FAM184A: variants seen among roughly 807,000 people sequenced by gnomAD.
The protein encoded by FAM184A is protein FAM184A.
FAM184A carries 99 observed loss-of-function variants against 143.8 expected under a neutral mutation model. The ratio of observed to expected loss-of-function variants is 0.69; its 90% confidence interval spans 0.58 to 0.81. The LOEUF is 0.81. FAM184A is among the 40% of genes least tolerant of loss of function. The probability of loss-of-function intolerance (pLI) is 0.00; values close to 1 mark genes in which losing one functional copy is unlikely to be tolerated. For missense variants in FAM184A, 1,217 were observed against 1,310.5 expected (o/e 0.93, Z 1.10); for synonymous variants, 427 against 446.4 (o/e 0.96, Z 0.55).
At chr6:119,132,270 G>A (rs753657885) in intron 1 of FAM184A, among the ~76,000 whole-genome samples, 2 of 152,144 alleles carry the variant, frequency 1.3e-5, no homozygotes, top group Non-Finnish European at 2.9e-5. Context: ...TGCAAAATCA[G>A]TTTTAGTCTC....
rs1788586523 is a variant in FAM184A at position 119,099,399 on chromosome 6, C to T, written c.-202+49679G>A. Among the ~76,000 whole-genome samples the T allele has an allele frequency of 3.3e-5, 5 of 152,162 alleles. No individual in the cohort carries two copies. The South Asian group carries it at 1.0e-3, about 31-fold the overall frequency. ...TTTACTTCTCAGGGCTAGCTAGGTG[C>T]CTGGAATTTCCCCTGAAGAAACTAA... On this transcript the variant is annotated intron_variant, in intron 1 of 16. Transcript: ENST00000352896.
intron 9 of FAM184A, among the ~76,000 whole-genome samples, chr6:118,984,551 A>G (rs554015676): frequency 7.9e-5 from 12 of 152,308 alleles, no homozygotes; most frequent in African/African-American, 2.6e-4. Context: ...CTCTCAAAAC[A>G]AAAAGTGAAA....
intron 5 of FAM184A, among the ~76,000 whole-genome samples, chr6:119,015,367 G>A (rs1048625032): frequency 5.9e-5 from 9 of 152,122 alleles, no homozygotes; most frequent in Non-Finnish European, 1.3e-4. Flanking sequence ...CAGCACTTGC[G>A]GGCCAGCTGG....
chr6:119,014,441 C>G (rs970071066), intron 5 of FAM184A, among the ~76,000 whole-genome samples: 1 of 152,214 alleles, frequency 6.6e-6, no homozygotes, highest in African/African-American at 2.4e-5. Context: ...GCAATTCTGT[C>G]TGTCATATAT....
intron 1 of FAM184A, among the ~76,000 whole-genome samples, chr6:119,110,422 G>T (rs1457390835): frequency 1.3e-5 from 2 of 152,086 alleles, no homozygotes; most frequent in African/African-American, 2.4e-5. Flanking sequence ...CTCCAGGAAA[G>T]AACTGTGGCA....
At position 118,980,323 on chromosome 6, in the gene FAM184A, T is replaced by A. The variant is rs1583778839; in HGVS notation, c.2116A>T (p.Ile706Leu). Residue 706 changes from isoleucine (I) to leucine (L), a missense_variant, in exon 10 of 18, where the codon ATA becomes TTA. Physicochemically the swap from Ile to Leu is conservative, Grantham distance 5. Coordinates refer to ENST00000338891, the MANE Select transcript of FAM184A (RefSeq NM_024581.6). ...QISLLKQNLE[I>L]QLSQSQTSLQ... The stretch of plus-strand genomic sequence containing the variant: ...GAAGTCTGAGACTGGGAAAGCTGTA[T>A]CTCCAGATTCTGTTTCAGCAAGGAA... 6.2e-7 allele frequency: 1 copy of A among 1,613,958 alleles called. No homozygotes were observed. Among genetic ancestry groups the A allele is most frequent in the Non-Finnish European group, 8.5e-7 (1 of 1,179,906 alleles).
chr6:119,068,843 G>C (rs763891880), intron 1 of FAM184A, among the ~76,000 whole-genome samples: 1 of 139,900 alleles, frequency 7.1e-6, no homozygotes, highest in Non-Finnish European at 1.6e-5. Context: ...AGAGAATTTA[G>C]AAGGTATCAG....
intron 1 of FAM184A, chr6:119,057,759 A>C (rs1787044916): frequency 6.7e-6 from 1 of 149,332 alleles, no homozygotes; most frequent in African/African-American, 2.4e-5. Flanking sequence ...TAAATAAATA[A>C]ATAAATTTAA....
chr6:119,026,004 G>C (rs934237659), intron 1 of FAM184A, among the ~76,000 whole-genome samples: 2 of 152,172 alleles, frequency 1.3e-5, no homozygotes, highest in Non-Finnish European at 2.9e-5. Flanking sequence ...AAGATAGGCT[G>C]TCACTGTCTG....
rs1029247574 is a variant in FAM184A at position 118,971,857 on chromosome 6, G to GAGT, written c.2915+2570_2915+2571insACT. 2.9e-4 allele frequency among the ~76,000 whole-genome samples: 28 copies of GAGT among 95,768 alleles called. No homozygotes were observed. The Admixed American group carries it at 2.9e-3, about 10-fold the overall frequency. The allele number at this position is 95,768 out of a possible 152,430, so 62.8% of individuals were successfully genotyped here. On this transcript the variant is annotated intron_variant, in intron 14 of 17. Coordinates refer to ENST00000338891, the MANE Select transcript of FAM184A (RefSeq NM_024581.6). Reference sequence around the variant, plus strand: ...GGGAGTTCAACAGGATTTGGGGCAGGAGCAGAAGCAAGAAGCTGCCTCTGC... The same window carrying GAGT: ...GGGAGTTCAACAGGATTTGGGGCAGGAGTAGCAGAAGCAAGAAGCTGCCTCTGC...
chr6:119,043,437 CTCT>C (rs1786417067), intron 1 of FAM184A, among the ~76,000 whole-genome samples: 2 of 152,198 alleles, frequency 1.3e-5, no homozygotes, highest in African/African-American at 4.8e-5. Flanking sequence ...TACTCATAGT[CTCT>C]TTTCTATGAC....
intron 9 of FAM184A, among the ~76,000 whole-genome samples, chr6:118,995,719 C>G (rs779335052): frequency 1.3e-5 from 2 of 152,182 alleles, no homozygotes; most frequent in Non-Finnish European, 2.9e-5. Context: ...TTCTCAGAGA[C>G]TCGGTCTAAC....
intron 1 of FAM184A, among the ~76,000 whole-genome samples, chr6:119,044,801 G>A (rs536344379): frequency 9.2e-5 from 14 of 152,228 alleles, no homozygotes; most frequent in Admixed American, 2.6e-4. Flanking sequence ...CTGGGAACTG[G>A]GTATAACTCT....
chr6:118,967,895 A>G (rs1344125741), intron 14 of FAM184A, among the ~76,000 whole-genome samples: 1 of 152,238 alleles, frequency 6.6e-6, no homozygotes, highest in African/African-American at 2.4e-5. Flanking sequence ...CTTGTAGATG[A>G]TCTATCTTCC....
intron 1 of FAM184A, among the ~76,000 whole-genome samples, chr6:119,086,790 CTG>C (rs1168533427): frequency 4.6e-5 from 7 of 152,074 alleles, no homozygotes; most frequent in Non-Finnish European, 8.8e-5. Flanking sequence ...CATTTTTTGA[CTG>C]TGGAAAATCG....
chr6:119,107,411 G>T (rs1260716144), intron 1 of FAM184A, among the ~76,000 whole-genome samples: 1 of 152,164 alleles, frequency 6.6e-6, no homozygotes, highest in East Asian at 1.9e-4. Context: ...TTTGGTGAGG[G>T]AAGGGTAAGA....
intron 7 of FAM184A, 23 bp from the exon 8 acceptor site, chr6:119,003,645 T>C: frequency 6.3e-7 from 1 of 1,586,558 alleles, no homozygotes; most frequent in Non-Finnish European, 8.6e-7. Context: ...AACTTTTCAA[T>C]GAAGACTAAA....
intron 1 of FAM184A, among the ~76,000 whole-genome samples, chr6:119,120,870 C>T (rs1294580660): frequency 1.5e-5 from 2 of 136,554 alleles, no homozygotes; most frequent in Non-Finnish European, 3.1e-5. Context: ...TTTTAGGAGA[C>T]AGGGTCTTGT....
rs566597230 is a variant in FAM184A, at chr6:118,975,438, G to A, written c.2584-230C>T. ...TGTCAGATTACAAAGAACCCAAAAG[G>A]TCAAAGGACATCTCTCTCATTTTAC... On this transcript the variant is annotated intron_variant, in intron 12 of 17. Transcript: ENST00000338891. Among the ~76,000 whole-genome samples, 3 of 152,290 alleles carry A rather than the reference G, an allele frequency of 2.0e-5. No individual in the cohort carries two copies. In the East Asian group the frequency reaches 5.8e-4, roughly 29 times the overall value.
Sources: gnomAD v4.1 joint callset for allele counts (sites outside exome capture counted in the v4.1 genomes callset) on GRCh38, gnomAD v4.1.1 for gene constraint, MANE v1.5 for transcripts, NCBI Gene and HGNC (gene_info 2026-07-23, HGNC 2026-07-21) for gene names.